ZNF362: variants seen among roughly 807,000 people sequenced by gnomAD.
ZNF362 encodes the protein rotund homolog.
ZNF362 carries 11 observed loss-of-function variants against 42.9 expected under a neutral mutation model. That is an observed-to-expected ratio of 0.26 (90% CI 0.16 to 0.42). The LOEUF (loss-of-function observed/expected upper bound fraction) is 0.42, where lower values mean the gene tolerates loss of function less well. Among genes scored for constraint, ZNF362 ranks in the 20% least tolerant of loss-of-function variants. ZNF362 has a pLI of 1.00. For synonymous variants in ZNF362, 255 were observed against 257.3 expected (o/e 0.99, Z 0.09); for missense variants, 362 against 576.2 (o/e 0.63, Z 3.81).
chr1:33,295,350 G>T, intron 8 of ZNF362, 45 bp downstream of exon 8: 2 of 1,596,406 alleles, frequency 1.3e-6, no homozygotes, highest in Non-Finnish European at 1.7e-6. Context: ...GAGCCACTTC[G>T]TCTTCCAGGC....
chr1:33,190,598 C>A, the ZNF362 span, among the ~76,000 whole-genome samples: 12 of 152,226 alleles, frequency 7.9e-5, no homozygotes, highest in Non-Finnish European at 1.3e-4. Flanking sequence ...CAATACATTT[C>A]TCCTCTGAAC....
At chr1:33,206,473 C>A in the ZNF362 span, among the ~76,000 whole-genome samples, 2 of 152,038 alleles carry the variant, frequency 1.3e-5, no homozygotes, top group African/African-American at 2.4e-5. Context: ...GTGATATGAA[C>A]CTGTAGTCTC....
intron 6 of ZNF362, among the ~76,000 whole-genome samples, chr1:33,288,759 A>C (rs1646051660): frequency 6.7e-6 from 1 of 148,302 alleles, no homozygotes; most frequent in African/African-American, 2.5e-5. Context: ...AAAAAAAAAA[A>C]AAAGAAGCGT....
intron 6 of ZNF362, among the ~76,000 whole-genome samples, chr1:33,282,829 A>G (rs1323506576): frequency 4.4e-5 from 2 of 45,084 alleles, no homozygotes; most frequent in Middle Eastern, 0.012. Flanking sequence ...TCTCAAGAGA[A>G]AAAAAAAAAA....
chr1:33,170,758 G>C, the ZNF362 span, among the ~76,000 whole-genome samples: 1 of 152,204 alleles, frequency 6.6e-6, no homozygotes, highest in Non-Finnish European at 1.5e-5. Flanking sequence ...TTAGAAGACT[G>C]GCTCTACCAC....
the ZNF362 span, among the ~76,000 whole-genome samples, chr1:33,173,681 T>A: frequency 6.8e-6 from 1 of 147,006 alleles, no homozygotes; most frequent in African/African-American, 2.5e-5. Context: ...TTTCTTTCTT[T>A]TTTTTTTTTT....
the ZNF362 span, among the ~76,000 whole-genome samples, chr1:33,155,541 T>C: frequency 2.0e-5 from 3 of 152,120 alleles, no homozygotes; most frequent in African/African-American, 7.2e-5. Flanking sequence ...GGTCAGAGAA[T>C]GGCCAGTGAG....
chr1:33,288,783 CAG>C (rs377578260), intron 6 of ZNF362, among the ~76,000 whole-genome samples: 29 of 137,724 alleles, frequency 2.1e-4, no homozygotes, highest in African/African-American at 6.7e-4. Context: ...CACCTAGAGT[CAG>C]GGGTGGACTT....
the ZNF362 span, among the ~76,000 whole-genome samples, chr1:33,187,499 G>A: frequency 6.6e-6 from 1 of 152,158 alleles, no homozygotes; most frequent in African/African-American, 2.4e-5. Context: ...ACAGATAAGA[G>A]GAGGGACAAT....
chr1:33,254,150 G>T (rs1416649305), upstream of ZNF362, among the ~76,000 whole-genome samples: 1 of 146,390 alleles, frequency 6.8e-6, no homozygotes, highest in Non-Finnish European at 1.5e-5. Context: ...TTTTGAGACA[G>T]AGTTTCACTC....
intron 6 of ZNF362, chr1:33,282,018 T>A (rs1407663123): frequency 1.5e-5 from 9 of 593,916 alleles, no homozygotes; most frequent in Non-Finnish European, 2.4e-5. Context: ...TTGCACATGC[T>A]GTGTCCTTTA....
the ZNF362 span, among the ~76,000 whole-genome samples, chr1:33,216,428 C>A: frequency 6.8e-6 from 1 of 147,286 alleles, no homozygotes. Context: ...GGTGAAACCC[C>A]ATCTCTACTA....
the ZNF362 span, among the ~76,000 whole-genome samples, chr1:33,202,533 G>T: frequency 6.6e-6 from 1 of 151,506 alleles, no homozygotes; most frequent in South Asian, 2.1e-4. Context: ...GGGAGGCGGG[G>T]CTTGCAGTGA....
chr1:33,161,780 C>G, the ZNF362 span, among the ~76,000 whole-genome samples: 1 of 152,264 alleles, frequency 6.6e-6, no homozygotes, highest in Non-Finnish European at 1.5e-5. This position sits in a 1 kb window ranked among gnomAD's most constrained non-coding sequence, Gnocchi z 4.3. Context: ...TCTGGCTCCT[C>G]CTAGACCACT....
intron 4 of ZNF362, 23 bp downstream of exon 4, chr1:33,276,617 G>A (rs764827499): frequency 7.6e-7 from 1 of 1,317,294 alleles, no homozygotes. Context: ...GGCGGGGCCG[G>A]CGGGGCCGGT....
At chr1:33,180,151 C>T in the ZNF362 span, among the ~76,000 whole-genome samples, 1 of 152,232 alleles carries the variant, frequency 6.6e-6, no homozygotes, top group South Asian at 2.1e-4. Context: ...GCTCAGGTCA[C>T]TCTGCATGTA....
rs1439331552 is a variant in ZNF362, at chr1:33,276,342, C to T, written c.103-6C>T. On this transcript the variant is annotated splice_polypyrimidine_tract_variant and splice_region_variant and intron_variant, in intron 3 of 8. Transcript: ENST00000539719. The stretch of plus-strand genomic sequence containing the variant: ...ACCTCCTCAGCCCGTCCTCTTCTTC[C>T]CGCAGCTGGACAACCTGGTTCTGAT... 1 of 1,548,956 alleles carries T rather than the reference C, an allele frequency of 6.5e-7. No individual in the cohort carries two copies. Among genetic ancestry groups the T allele is most frequent in the East Asian group, 2.4e-5 (1 of 41,094 alleles).
rs915571817 is a variant in ZNF362 at position 33,266,374 on chromosome 1, G to A, written c.-88-4113G>A. ...AGGCCCTACTGCATGGCTGGCGCTGGGCTCTGGGGCTGCAGCAGTGACGGC... is the reference window on the plus strand; with the variant it reads ...AGGCCCTACTGCATGGCTGGCGCTGAGCTCTGGGGCTGCAGCAGTGACGGC... On this transcript the variant is annotated intron_variant, in intron 1 of 8. Transcript: ENST00000539719. This position sits in a 1 kb window ranked among gnomAD's most constrained non-coding sequence, Gnocchi z 4.3. Among the ~76,000 whole-genome samples, 3 of 152,202 alleles carry A rather than the reference G, an allele frequency of 2.0e-5. No homozygotes were observed. Among genetic ancestry groups the A allele is most frequent in the African/African-American group, 7.2e-5 (3 of 41,444 alleles).
intron 1 of ZNF362, among the ~76,000 whole-genome samples, chr1:33,256,944 GTTTTC>G (rs1397039753): frequency 2.0e-5 from 3 of 151,822 alleles, no homozygotes; most frequent in Non-Finnish European, 4.4e-5. Context: ...GTGTGTGTGT[GTTTTC>G]TTAAGCCGGG....
Sources: allele counts gnomAD v4.1 joint callset (sites outside exome capture counted in the v4.1 genomes callset), GRCh38; gene constraint gnomAD v4.1.1; non-coding constraint Gnocchi (gnomAD v3.1); transcripts MANE v1.5; gene names NCBI Gene and HGNC (gene_info 2026-07-23, HGNC 2026-07-21).